Variants in C1QTNF3 observed in about 807,000 individuals in gnomAD.
C1QTNF3 encodes C1q and TNF related 3, also known as complement C1q tumor necrosis factor-related protein 3.
Under a neutral mutation model 32.6 loss-of-function variants are expected in C1QTNF3, and 26 were observed. The ratio of observed to expected loss-of-function variants is 0.80; its 90% CI spans 0.58 to 1.11. The LOEUF is 1.11. Ranked by LOEUF, C1QTNF3 falls within the 50% of genes least tolerant of loss-of-function variation. The pLI is 0.00. For missense variants in C1QTNF3, 362 were observed against 398.2 expected (o/e 0.91, Z 0.77); for synonymous variants, 155 against 146.0 (o/e 1.06, Z -0.44).
At chr5:34,215,547 TA>T in the C1QTNF3 span, among the ~76,000 whole-genome samples, 2 of 152,232 alleles carry the variant, frequency 1.3e-5, no homozygotes, top group Non-Finnish European at 2.9e-5. Context: ...TTATTTTGTA[TA>T]CGCCTTTGTA....
chr5:34,084,562 C>T, the C1QTNF3 span, among the ~76,000 whole-genome samples: 5 of 151,362 alleles, frequency 3.3e-5, no homozygotes, highest in African/African-American at 1.2e-4. Context: ...TTGCATTGCG[C>T]CCCTCTGCAT....
chr5:34,168,800 A>G, the C1QTNF3 span: 1 of 152,184 alleles, frequency 6.6e-6, no homozygotes, highest in Non-Finnish European at 1.5e-5. Context: ...AAAGTAAAAT[A>G]TAACTTTATT....
At chr5:34,103,540 T>C in the C1QTNF3 span, among the ~76,000 whole-genome samples, 20 of 146,440 alleles carry the variant, frequency 1.4e-4, no homozygotes, top group East Asian at 3.7e-3. Flanking sequence ...ACAGGTAGTC[T>C]GGACGCGGTG....
chr5:34,102,551 G>A, the C1QTNF3 span, among the ~76,000 whole-genome samples: 383 of 132,938 alleles, frequency 2.9e-3, 1 homozygote, highest in Admixed American at 0.011. Context: ...TTCTTGATGC[G>A]AATTTTTTTT....
chr5:34,142,964 C>T, the C1QTNF3 span, among the ~76,000 whole-genome samples: 1 of 152,144 alleles, frequency 6.6e-6, no homozygotes, highest in African/African-American at 2.4e-5. Context: ...ACATAGAATT[C>T]AGAATTTGTA....
the C1QTNF3 span, among the ~76,000 whole-genome samples, chr5:34,073,425 G>T: frequency 4.0e-5 from 6 of 151,828 alleles, no homozygotes; most frequent in African/African-American, 1.5e-4. Flanking sequence ...GGGTTAAACA[G>T]CCTCATTGTC....
chr5:34,208,595 C>T, the C1QTNF3 span, among the ~76,000 whole-genome samples: 2 of 151,696 alleles, frequency 1.3e-5, no homozygotes, highest in Non-Finnish European at 2.9e-5. Context: ...GACCCACTTG[C>T]TTAGAATGTA....
At chr5:34,214,508 C>T in the C1QTNF3 span, among the ~76,000 whole-genome samples, 3 of 151,236 alleles carry the variant, frequency 2.0e-5, no homozygotes, top group Non-Finnish European at 4.4e-5. Context: ...AATTATATTT[C>T]ATTAATGTCT....
chr5:34,062,950 T>C, the C1QTNF3 span, among the ~76,000 whole-genome samples: 15 of 152,222 alleles, frequency 9.9e-5, no homozygotes, highest in African/African-American at 3.1e-4. Flanking sequence ...TACTTTCTTC[T>C]GTCAGCAAAG....
the C1QTNF3 span, among the ~76,000 whole-genome samples, chr5:34,217,607 G>A: frequency 6.4e-4 from 98 of 152,198 alleles, no homozygotes; most frequent in Non-Finnish European, 1.3e-4. Flanking sequence ...AGTTTCACAC[G>A]GCTTATGTTA....
At chr5:34,121,724 C>A in the C1QTNF3 span, among the ~76,000 whole-genome samples, 1 of 152,124 alleles carries the variant, frequency 6.6e-6, no homozygotes, top group Non-Finnish European at 1.5e-5. Flanking sequence ...ATGGTCTGAA[C>A]ATTTGTACCT....
At chr5:34,056,527 G>A in the C1QTNF3 span, among the ~76,000 whole-genome samples, 1 of 117,360 alleles carries the variant, frequency 8.5e-6, no homozygotes, top group African/African-American at 3.2e-5. Context: ...GAGAGAGAGA[G>A]AAAGAGATAG....
At chr5:34,200,872 G>A in the C1QTNF3 span, 1 of 151,942 alleles carries the variant, frequency 6.6e-6, no homozygotes, top group African/African-American at 2.4e-5. Context: ...CCATTGAATA[G>A]TTCTCATCTG....
At chr5:34,076,410 G>T in the C1QTNF3 span, among the ~76,000 whole-genome samples, 1,914 of 151,430 alleles carry the variant, frequency 0.013, 26 homozygotes, top group South Asian at 0.028. Flanking sequence ...TTTCTTTTCT[G>T]AAAGTCATCT....
chr5:34,063,161 C>G, the C1QTNF3 span, among the ~76,000 whole-genome samples: 1 of 151,920 alleles, frequency 6.6e-6, no homozygotes, highest in Non-Finnish European at 1.5e-5. Context: ...TTAAATTGAT[C>G]CTGGATTTTA....
the C1QTNF3 span, among the ~76,000 whole-genome samples, chr5:34,067,684 G>A: frequency 1.3e-5 from 2 of 152,106 alleles, no homozygotes; most frequent in South Asian, 2.1e-4. Context: ...ATTTGGATAG[G>A]GACACATTAA....
chr5:34,175,817 C>T, the C1QTNF3 span: 1 of 770,726 alleles, frequency 1.3e-6, no homozygotes, highest in South Asian at 1.4e-5. Flanking sequence ...TAAACTGCCA[C>T]TTACACTGGT....
the C1QTNF3 span, among the ~76,000 whole-genome samples, chr5:34,147,998 C>T: frequency 5.3e-5 from 8 of 152,072 alleles, no homozygotes; most frequent in African/African-American, 9.7e-5. Context: ...AGTGTGTGTG[C>T]GCACCATGCG....
At chr5:34,125,519 T>C in the C1QTNF3 span, among the ~76,000 whole-genome samples, 1 of 152,112 alleles carries the variant, frequency 6.6e-6, no homozygotes, top group African/African-American at 2.4e-5. Flanking sequence ...AATTTTCTTA[T>C]GTAGAGTTGT....
Sources: gnomAD v4.1 joint callset for allele counts (sites outside exome capture counted in the v4.1 genomes callset) on GRCh38, gnomAD v4.1.1 for gene constraint, MANE v1.5 for transcripts, NCBI Gene and HGNC (gene_info 2026-07-23, HGNC 2026-07-21) for gene names.